EPHA8: variants seen among roughly 807,000 people sequenced by gnomAD.
The protein encoded by EPHA8 is EPH receptor A8.
Under a neutral mutation model 103.6 loss-of-function variants are expected in EPHA8, and 58 were observed. The observed-to-expected ratio is 0.56, with a 90% CI of 0.45 to 0.70. The LOEUF (loss-of-function observed/expected upper bound fraction) is 0.70. Among genes scored for constraint, EPHA8 ranks in the 30% least tolerant of loss-of-function variants. EPHA8 has a pLI of 0.00. For missense variants in EPHA8, 1,304 were observed against 1,395.2 expected (o/e 0.93, Z 1.04); for synonymous variants, 559 against 572.5 (o/e 0.98, Z 0.34).
At chr1:22,578,233 T>C (rs978144993) in intron 3 of EPHA8, among the ~76,000 whole-genome samples, 20 of 143,372 alleles carry the variant, frequency 1.4e-4, no homozygotes, top group Non-Finnish European at 2.4e-4. Flanking sequence ...TGCATGTGTG[T>C]ATGTGTGCAT....
rs1641766875 is a variant in EPHA8, at chr1:22,602,453, G to C, written c.*712G>C. ...CCTCTAGCCGAGGAGGCCACCTGCA[G>C]CCTCCACCCGGCTCTCACCGCTGCT... On this transcript the variant is annotated 3_prime_UTR_variant, in exon 17 of 17. Transcript: ENST00000166244. 1 of 153,014 alleles carries C rather than the reference G, an allele frequency of 6.5e-6. No homozygotes were observed. Among genetic ancestry groups the C allele is most frequent in the African/African-American group, 2.4e-5 (1 of 41,420 alleles). The allele number at this position is 153,014 out of a possible 1,614,324, so 9.5% of individuals were successfully genotyped here.
intron 7 of EPHA8, among the ~76,000 whole-genome samples, chr1:22,593,928 G>T (rs1384943885): frequency 6.6e-6 from 1 of 152,224 alleles, no homozygotes; most frequent in Non-Finnish European, 1.5e-5. Flanking sequence ...CACCTCCCAG[G>T]TTCAAGCAAT....
chr1:22,594,111 A>G (rs942721635), intron 7 of EPHA8, among the ~76,000 whole-genome samples: 15 of 152,330 alleles, frequency 9.8e-5, no homozygotes, highest in African/African-American at 3.6e-4. Context: ...GATTACAGGC[A>G]TGAGCCACTG....
chr1:22,595,215 G>C lies in EPHA8; in HGVS notation c.1604-15G>C, dbSNP rs1171062212. Reference sequence around the variant, plus strand: ...GCTGAGAGCCTGGTCCCCCAACCCTGGCTTTCCCCTGCAGGGCCCCGCTAT... The same window carrying C: ...GCTGAGAGCCTGGTCCCCCAACCCTCGCTTTCCCCTGCAGGGCCCCGCTAT... On this transcript the variant is annotated splice_polypyrimidine_tract_variant and intron_variant, in intron 7 of 16. Transcript: ENST00000166244. 6.2e-7 allele frequency: 1 copy of C among 1,600,544 alleles called. No homozygotes were observed.
At chr1:22,600,550 T>A in intron 13 of EPHA8, 111 bp from the exon 14 acceptor site, 1 of 1,422,108 alleles carries the variant, frequency 7.0e-7, no homozygotes, top group Non-Finnish European at 9.6e-7. Context: ...GGCTGTGTTG[T>A]CCCTCTGGAC....
At chr1:22,596,647 A>G (rs931966494) in intron 9 of EPHA8, among the ~76,000 whole-genome samples, 11 of 151,338 alleles carry the variant, frequency 7.3e-5, no homozygotes, top group Non-Finnish European at 4.4e-5. Flanking sequence ...ATTTTATTTT[A>G]TTATTTTTTA....
chr1:22,602,185 G>T lies in EPHA8; in HGVS notation c.*444G>T. The T allele has an allele frequency of 4.8e-6, 1 of 207,642 alleles. No individual in the cohort carries two copies. 12.9% of individuals were successfully genotyped at this position (207,642 alleles called of 1,614,324 possible). A position where few individuals can be genotyped will look rare whatever the true frequency, so the allele number is the denominator to read the frequency against. ...TTATGAGCGTGTGCTTATCCGTTAA[G>T]GCTGGAGGCACATGTGGGTGATGGT... On this transcript the variant is annotated 3_prime_UTR_variant, in exon 17 of 17. Transcript: ENST00000166244.
At chr1:22,590,950 T>TC (rs1271400401) in intron 5 of EPHA8, among the ~76,000 whole-genome samples, 3 of 149,818 alleles carry the variant, frequency 2.0e-5, no homozygotes, top group East Asian at 4.0e-4. Context: ...GTCACATCCA[T>TC]CCCCCCCTAA....
intron 3 of EPHA8, among the ~76,000 whole-genome samples, chr1:22,583,166 G>T (rs552320505): frequency 1.3e-5 from 2 of 152,210 alleles, no homozygotes; most frequent in East Asian, 1.9e-4. Context: ...ACCCGGGCAC[G>T]TGCAGGCTCC....
In EPHA8 at chr1:22,567,437, C is replaced by A. The variant is rs1465734685; in HGVS notation, c.95-1852C>A. Among the ~76,000 whole-genome samples the A allele has an allele frequency of 6.6e-6, 1 of 152,148 alleles. No individual in the cohort carries two copies. Among genetic ancestry groups the A allele is most frequent in the East Asian group, 1.9e-4 (1 of 5,174 alleles). ...AGGCAGGCGGGAAGCCTTCTCTCTG[C>A]CTCTGCCCCTGGCGTGGGGCCGGCT... is the stretch of plus-strand genomic sequence containing the variant. On this transcript the variant is annotated intron_variant, in intron 1 of 16. Transcript: ENST00000166244. The surrounding 1 kb of genome is among the most constrained non-coding windows in gnomAD (Gnocchi z 4.2).
intron 3 of EPHA8, among the ~76,000 whole-genome samples, chr1:22,585,050 T>TGTGTGTGTGTGTGTGCGCGTGC (rs71020436): frequency 1.1e-5 from 1 of 93,494 alleles, no homozygotes; most frequent in African/African-American, 6.0e-5. Flanking sequence ...TGTGTGTGTG[T>TGTGTGTGTGTGTGTGCGCGTGC]GCGCACGCGT....
chr1:22,595,185 C>A, intron 7 of EPHA8, 45 bp from the exon 8 acceptor site: 1 of 1,538,684 alleles, frequency 6.5e-7, no homozygotes, highest in Non-Finnish European at 8.9e-7. Context: ...GGGCCCAAGG[C>A]CAGGGCTGAG....
At chr1:22,565,306 G>T (rs1420427037) in intron 1 of EPHA8, among the ~76,000 whole-genome samples, 1 of 152,198 alleles carries the variant, frequency 6.6e-6, no homozygotes, top group African/African-American at 2.4e-5. Context: ...GGAGAGGCAC[G>T]GCAGGGTGGC....
intron 2 of EPHA8, among the ~76,000 whole-genome samples, chr1:22,574,283 A>G (rs891123539): frequency 6.6e-6 from 1 of 152,174 alleles, no homozygotes; most frequent in African/African-American, 2.4e-5. Context: ...CCGGCCAGGC[A>G]TCTTTCTTTC....
intron 2 of EPHA8, among the ~76,000 whole-genome samples, chr1:22,573,843 A>T (rs1441134952): frequency 6.6e-6 from 1 of 152,206 alleles, no homozygotes; most frequent in Non-Finnish European, 1.5e-5. Flanking sequence ...CCAGGTTGAC[A>T]GGTAAACTAC....
At chr1:22,574,149 T>C (rs181661675) in intron 2 of EPHA8, among the ~76,000 whole-genome samples, 251 of 152,284 alleles carry the variant, frequency 1.6e-3, no homozygotes, top group African/African-American at 5.7e-3. Flanking sequence ...CGGCCAACTT[T>C]TTTGTATTTT....
Position 22,601,802 on chromosome 1 carries a change from G to A in EPHA8, c.*61G>A. The A allele has an allele frequency of 6.8e-7, 1 of 1,465,040 alleles. No individual in the cohort carries two copies. Among genetic ancestry groups the A allele is most frequent in the South Asian group, 1.2e-5 (1 of 82,212 alleles). The allele number at this position is 1,465,040 out of a possible 1,614,324, so 90.8% of individuals were successfully genotyped here. On this transcript the variant is annotated 3_prime_UTR_variant, in exon 17 of 17. Coordinates refer to ENST00000166244, the MANE Select transcript of EPHA8 (RefSeq NM_020526.5). ...CACCCCAGGTCATGCCAGCGGCAGA[G>A]GACGTGAGGGGCTGGCAGCAGGCAG...
chr1:22,583,892 C>T (rs1467861629), intron 3 of EPHA8, among the ~76,000 whole-genome samples: 1 of 152,212 alleles, frequency 6.6e-6, no homozygotes. Flanking sequence ...TCCCTCAGGC[C>T]CCGCATCACG....
intron 1 of EPHA8, among the ~76,000 whole-genome samples, chr1:22,564,949 G>A (rs1239705952): frequency 1.3e-5 from 2 of 152,050 alleles, no homozygotes; most frequent in Non-Finnish European, 2.9e-5. Flanking sequence ...AGCTCACCGA[G>A]GGCCCACCCT....
Sources: allele counts gnomAD v4.1 joint callset (sites outside exome capture counted in the v4.1 genomes callset), GRCh38; gene constraint gnomAD v4.1.1; non-coding constraint Gnocchi (gnomAD v3.1); transcripts MANE v1.5; gene names NCBI Gene and HGNC (gene_info 2026-07-23, HGNC 2026-07-21).